The following AGBL4 variants were observed in gnomAD, a reference collection of about 807,000 sequenced individuals.
The protein encoded by AGBL4 is cytosolic carboxypeptidase 6.
AGBL4 carries 58 observed loss-of-function variants against 66.4 expected under a neutral mutation model. That is an observed-to-expected ratio of 0.87 (90% CI 0.71 to 1.09). AGBL4 has a LOEUF of 1.09. Among genes scored for constraint, AGBL4 ranks in the 50% least tolerant of loss-of-function variants. The pLI is 0.00. For missense variants in AGBL4, 579 were observed against 631.0 expected (o/e 0.92, Z 0.88); for synonymous variants, 234 against 222.9 (o/e 1.05, Z -0.44).
At chr1:48,989,233 T>C (rs1416219516) in intron 5 of AGBL4, among the ~76,000 whole-genome samples, 1 of 152,194 alleles carries the variant, frequency 6.6e-6, no homozygotes, top group Non-Finnish European at 1.5e-5. Context: ...TTAAATTTTT[T>C]ACTTTTTGTT....
intron 5 of AGBL4, among the ~76,000 whole-genome samples, chr1:48,908,219 A>C (rs1652797964): frequency 6.6e-6 from 1 of 152,158 alleles, no homozygotes; most frequent in Admixed American, 6.5e-5. Context: ...TCTTGTAATT[A>C]TGCCAAATCC....
chr1:49,164,906 C>A (rs1300929781), intron 4 of AGBL4, among the ~76,000 whole-genome samples: 2 of 152,114 alleles, frequency 1.3e-5, no homozygotes, highest in Admixed American at 1.3e-4. Context: ...CTTTTCAGCA[C>A]AAGGAGCTTG....
chr1:49,403,532 C>A (rs1213912639), intron 3 of AGBL4, among the ~76,000 whole-genome samples: 1 of 152,098 alleles, frequency 6.6e-6, no homozygotes, highest in African/African-American at 2.4e-5. Context: ...CTCAAAACAG[C>A]TATTTGAATT....
chr1:49,776,984 G>C (rs1462460181), intron 2 of AGBL4, among the ~76,000 whole-genome samples: 2 of 152,128 alleles, frequency 1.3e-5, no homozygotes, highest in Non-Finnish European at 2.9e-5. Context: ...ACATGGAACA[G>C]TGCTTACTAC....
intron 11 of AGBL4, among the ~76,000 whole-genome samples, chr1:48,568,903 T>A (rs1013373663): frequency 3.9e-5 from 6 of 152,214 alleles, no homozygotes; most frequent in African/African-American, 1.4e-4. Flanking sequence ...ACTTTTGGAA[T>A]GCAACAGCCT....
chr1:49,881,337 C>T (rs1168608294), intron 1 of AGBL4, among the ~76,000 whole-genome samples: 4 of 152,072 alleles, frequency 2.6e-5, no homozygotes, highest in African/African-American at 4.8e-5. Context: ...TGAATAGTGC[C>T]GCCATACATA....
intron 1 of AGBL4, among the ~76,000 whole-genome samples, chr1:49,912,787 C>A (rs1433387118): frequency 1.3e-5 from 2 of 152,028 alleles, no homozygotes; most frequent in African/African-American, 4.8e-5. Flanking sequence ...GCTGCAAAGT[C>A]CAAGAACATG....
At chr1:49,316,594 C>A (rs1285511182) in intron 3 of AGBL4, among the ~76,000 whole-genome samples, 1 of 151,324 alleles carries the variant, frequency 6.6e-6, no homozygotes, top group African/African-American at 2.4e-5. Context: ...TTTAGCAAAG[C>A]CAGTAAAGAA....
Position 48,634,554 on chromosome 1 carries a change from G to T in AGBL4, c.890C>A (p.Pro297Gln). 6.2e-7 allele frequency: 1 copy of T among 1,607,062 alleles called. No homozygotes were observed. Among genetic ancestry groups the T allele is most frequent in the East Asian group, 2.2e-5 (1 of 44,604 alleles). The change falls in exon 9 of 14, where the codon CCA (proline) becomes CAA (glutamine). Residue 297 changes from proline to glutamine, a missense_variant. Transcript: ENST00000371839. ...TCCATGCAGGGTAGGATGGACCCAT[G>T]GAGAGGGATCCAGCCAGTGACGATT... ...DLNRHWLDPSPWVHPTLHGVK... is the reference protein window; with the variant it reads ...DLNRHWLDPSQWVHPTLHGVK...
chr1:49,050,563 C>G (rs1198859796), intron 4 of AGBL4, among the ~76,000 whole-genome samples: 1 of 152,076 alleles, frequency 6.6e-6, no homozygotes, highest in Non-Finnish European at 1.5e-5. Flanking sequence ...AACTTTAAGT[C>G]ATGCCCTGAA....
chr1:48,720,392 G>A (rs1189870070), intron 6 of AGBL4, among the ~76,000 whole-genome samples: 6 of 152,198 alleles, frequency 3.9e-5, no homozygotes, highest in African/African-American at 1.4e-4. Flanking sequence ...GGAAAAAACA[G>A]CTTATGACAA....
intron 6 of AGBL4, among the ~76,000 whole-genome samples, chr1:48,746,763 G>T (rs189679807): frequency 1.4e-4 from 22 of 152,238 alleles, no homozygotes; most frequent in African/African-American, 5.1e-4. Context: ...TGCAAAATGG[G>T]GATTACCAAA....
intron 10 of AGBL4, among the ~76,000 whole-genome samples, chr1:48,588,656 AGTGTGT>A (rs57683318): frequency 1.2e-4 from 18 of 147,518 alleles, no homozygotes; most frequent in African/African-American, 4.3e-4. Flanking sequence ...GAAACAGAGA[AGTGTGT>A]GTGTGTGTGT....
In AGBL4 at chr1:48,979,940, CATACA is replaced by C. The variant is rs373756506; in HGVS notation, c.594+65639_594+65643del. 3.0e-4 allele frequency among the ~76,000 whole-genome samples: 45 copies of C among 152,248 alleles called. 1 individual carries two copies. The highest frequency in any genetic ancestry group is 1.0e-3 in the African/African-American group (43 of 41,554). ...CTTAACATGAGATCTATCCTCCTAACATACAATAGAGTTTTAAACAGTTCATTCTG... is the reference window on the plus strand; with the variant it reads ...CTTAACATGAGATCTATCCTCCTAACATAGAGTTTTAAACAGTTCATTCTG... On this transcript the variant is annotated intron_variant, in intron 5 of 13. Transcript: ENST00000371839.
chr1:49,470,800 C>G (rs1646726784), intron 3 of AGBL4, among the ~76,000 whole-genome samples: 1 of 152,022 alleles, frequency 6.6e-6, no homozygotes, highest in East Asian at 1.9e-4. Flanking sequence ...GCAGACATGC[C>G]TTTGAGCTGC....
At chr1:49,088,435 G>A (rs543204531) in intron 4 of AGBL4, among the ~76,000 whole-genome samples, 102 of 152,216 alleles carry the variant, frequency 6.7e-4, no homozygotes, top group African/African-American at 2.3e-3. Context: ...AAAAAAGCAG[G>A]AGGTGCTATT....
intron 4 of AGBL4, among the ~76,000 whole-genome samples, chr1:49,192,859 C>T (rs1011494337): frequency 2.0e-5 from 3 of 152,240 alleles, no homozygotes; most frequent in South Asian, 2.1e-4. Flanking sequence ...GAGTACCTGA[C>T]GTTAAACTCA....
intron 8 of AGBL4, among the ~76,000 whole-genome samples, chr1:48,652,504 A>G (rs1320066779): frequency 1.3e-5 from 2 of 152,166 alleles, no homozygotes; most frequent in Admixed American, 6.5e-5. Context: ...AGGATGGTGG[A>G]CACACAGGCA....
At chr1:49,705,064 A>C (rs1647182706) in intron 2 of AGBL4, among the ~76,000 whole-genome samples, 1 of 152,082 alleles carries the variant, frequency 6.6e-6, no homozygotes, top group Non-Finnish European at 1.5e-5. Flanking sequence ...ATGAGCATGG[A>C]ATGTTTTTCC....
Sources: gnomAD v4.1 joint callset for allele counts (sites outside exome capture counted in the v4.1 genomes callset) on GRCh38, gnomAD v4.1.1 for gene constraint, MANE v1.5 for transcripts, NCBI Gene and HGNC (gene_info 2026-07-23, HGNC 2026-07-21) for gene names.